The following TNIK variants were observed in gnomAD, a reference collection of about 807,000 sequenced individuals.
TNIK encodes TRAF2 and NCK-interacting protein kinase.
A neutral mutation model predicts 191.3 loss-of-function variants in TNIK; 49 were observed. That is an observed-to-expected ratio of 0.26 (90% CI 0.20 to 0.32). TNIK has a LOEUF of 0.32. TNIK is among the 10% of genes least tolerant of loss of function. TNIK has a pLI of 1.00. For missense variants in TNIK, 1,155 were observed against 1,702.3 expected (o/e 0.68, Z 5.66); for synonymous variants, 594 against 600.9 (o/e 0.99, Z 0.17).
intron 1 of TNIK, among the ~76,000 whole-genome samples, chr3:171,456,947 T>C (rs565037620): frequency 6.6e-6 from 1 of 152,198 alleles, no homozygotes; most frequent in Non-Finnish European, 1.5e-5. Context: ...CTTGTTACTG[T>C]GTGACCTTGA....
intron 18 of TNIK, among the ~76,000 whole-genome samples, chr3:171,117,174 G>A (rs1576868254): frequency 6.6e-6 from 1 of 152,316 alleles, no homozygotes; most frequent in Middle Eastern, 3.4e-3. Flanking sequence ...AGGATCAAGA[G>A]GAGCTGTTAA....
At chr3:171,200,913 C>T (rs1047098223) in intron 4 of TNIK, among the ~76,000 whole-genome samples, 4 of 152,172 alleles carry the variant, frequency 2.6e-5, no homozygotes, top group Admixed American at 6.5e-5. Context: ...CCAGAATACC[C>T]TGACAGGAAC....
intron 23 of TNIK, among the ~76,000 whole-genome samples, chr3:171,093,496 G>A (rs1042829632): frequency 3.3e-5 from 5 of 152,214 alleles, no homozygotes; most frequent in African/African-American, 1.2e-4. Context: ...CAAGGCCAGT[G>A]ATGCTATTCA....
chr3:171,344,218 T>C (rs924831534), intron 2 of TNIK, among the ~76,000 whole-genome samples: 1 of 152,196 alleles, frequency 6.6e-6, no homozygotes, highest in Non-Finnish European at 1.5e-5. Flanking sequence ...TTCTGGGAGT[T>C]ACAAACATCT....
intron 28 of TNIK, among the ~76,000 whole-genome samples, chr3:171,071,820 G>A (rs1363106665): frequency 6.6e-6 from 1 of 152,098 alleles, no homozygotes; most frequent in Non-Finnish European, 1.5e-5. Flanking sequence ...TGCTTCTAAC[G>A]AAAGGGGGGT....
intron 2 of TNIK, among the ~76,000 whole-genome samples, chr3:171,292,016 CCATA>C (rs1163630926): frequency 6.6e-6 from 1 of 152,114 alleles, no homozygotes; most frequent in African/African-American, 2.4e-5. Flanking sequence ...TTAATCAAAC[CCATA>C]CAGAGGATTT....
intron 23 of TNIK, among the ~76,000 whole-genome samples, chr3:171,088,296 G>A (rs575199746): frequency 1.2e-4 from 18 of 150,648 alleles, no homozygotes; most frequent in South Asian, 8.4e-4. Context: ...GTGCAGTGGC[G>A]CGATCTTGGC....
intron 11 of TNIK, among the ~76,000 whole-genome samples, chr3:171,158,302 T>C (rs1560195853): frequency 1.3e-5 from 2 of 152,252 alleles, no homozygotes; most frequent in African/African-American, 2.4e-5. Flanking sequence ...CAGGTGCAGC[T>C]AGGACTTCAA....
At chr3:171,192,173 G>A (rs1481728232) in intron 5 of TNIK, among the ~76,000 whole-genome samples, 2 of 152,184 alleles carry the variant, frequency 1.3e-5, no homozygotes, top group African/African-American at 4.8e-5. Context: ...CACTGGTTTA[G>A]GTCTTAAAAA....
chr3:171,442,694 A>C (rs903696641), intron 1 of TNIK, among the ~76,000 whole-genome samples: 1 of 152,158 alleles, frequency 6.6e-6, no homozygotes, highest in African/African-American at 2.4e-5. Context: ...TTCTGGTGCA[A>C]TCAGTGAAAT....
intron 4 of TNIK, among the ~76,000 whole-genome samples, chr3:171,204,020 T>C (rs972514210): frequency 1.3e-5 from 2 of 152,224 alleles, no homozygotes; most frequent in African/African-American, 4.8e-5. Flanking sequence ...ATGTGTGAGT[T>C]CACATTGTAA....
At chr3:171,234,173 A>G (rs1223592832) in intron 2 of TNIK, among the ~76,000 whole-genome samples, 1 of 152,216 alleles carries the variant, frequency 6.6e-6, no homozygotes, top group African/African-American at 2.4e-5. Flanking sequence ...TCCTTGATAC[A>G]ACATGTCTTG....
chr3:171,207,985 G>A lies in TNIK; in HGVS notation c.306+3131C>T, dbSNP rs6762689. Among the ~76,000 whole-genome samples the A allele has an allele frequency of 2.6e-3, 403 of 152,200 alleles. 2 individuals carry two copies. The highest frequency in any genetic ancestry group is 8.8e-3 in the African/African-American group (364 of 41,528). On this transcript the variant is annotated intron_variant, in intron 4 of 32. Coordinates refer to ENST00000436636, the MANE Select transcript of TNIK (RefSeq NM_015028.4). ...CTTTTATGAGGAGCAAGAACAGCCC[G>A]GTGGTAGCAATAACAAAAGCAGCAG...
At chr3:171,248,369 C>T (rs1487864332) in intron 2 of TNIK, among the ~76,000 whole-genome samples, 1 of 152,166 alleles carries the variant, frequency 6.6e-6, no homozygotes, top group African/African-American at 2.4e-5. Context: ...TTGAGCTGTG[C>T]AGCCCAAATG....
chr3:171,350,595 T>A (rs1269043579), intron 2 of TNIK, among the ~76,000 whole-genome samples: 48 of 98,008 alleles, frequency 4.9e-4, no homozygotes, highest in African/African-American at 4.9e-4. Context: ...GCTCTGTTGC[T>A]AAAAAAAAAA....
intron 2 of TNIK, among the ~76,000 whole-genome samples, chr3:171,365,285 T>A (rs781753492): frequency 2.0e-5 from 3 of 148,586 alleles, no homozygotes; most frequent in Admixed American, 1.4e-4. Context: ...CTCGTTCAAG[T>A]GATTTTCCTG....
chr3:171,456,104 A>G (rs1728771059), intron 1 of TNIK, among the ~76,000 whole-genome samples: 1 of 142,474 alleles, frequency 7.0e-6, no homozygotes, highest in African/African-American at 2.6e-5. Flanking sequence ...TTTTGTTCAA[A>G]TACAAAAGTG....
intron 2 of TNIK, among the ~76,000 whole-genome samples, chr3:171,296,593 G>A (rs1752312346): frequency 6.6e-6 from 1 of 152,080 alleles, no homozygotes; most frequent in African/African-American, 2.4e-5. Context: ...TATGAGATTT[G>A]GAGCAAGTTA....
At chr3:171,242,793 T>C (rs900522960) in intron 2 of TNIK, among the ~76,000 whole-genome samples, 1 of 152,180 alleles carries the variant, frequency 6.6e-6, no homozygotes, top group African/African-American at 2.4e-5. Flanking sequence ...CATTCAACGG[T>C]TCATGGGCTT....
Sources: gnomAD v4.1 joint callset for allele counts (sites outside exome capture counted in the v4.1 genomes callset) on GRCh38, gnomAD v4.1.1 for gene constraint, MANE v1.5 for transcripts, NCBI Gene and HGNC (gene_info 2026-07-23, HGNC 2026-07-21) for gene names.